The following STAG1 variants were observed in gnomAD, a reference collection of about 807,000 sequenced individuals.
The protein encoded by STAG1 is STAG1 cohesin complex component, also known as cohesin subunit SA-1.
In STAG1, 26 loss-of-function variants were observed where a neutral mutation model predicts 170.9. That is an observed-to-expected ratio of 0.15 (90% CI 0.11 to 0.21). The LOEUF (loss-of-function observed/expected upper bound fraction) is 0.21. Ranked by LOEUF, STAG1 falls within the 10% of genes least tolerant of loss-of-function variation. The pLI is 1.00. For missense variants in STAG1, 964 were observed against 1,509.5 expected, an observed-to-expected ratio of 0.64 and a Z score of 5.99; for synonymous variants, 514 against 497.7, an observed-to-expected ratio of 1.03 and a Z score of -0.44.
chr3:136,358,104 T>G (rs1936724443), intron 27 of STAG1, among the ~76,000 whole-genome samples: 1 of 151,614 alleles, frequency 6.6e-6, no homozygotes, highest in African/African-American at 2.4e-5. Context: ...TTTTTTTTTT[T>G]TGAGACAAGG....
At chr3:136,628,066 C>A (rs1431655500) in intron 2 of STAG1, among the ~76,000 whole-genome samples, 2 of 152,142 alleles carry the variant, frequency 1.3e-5, no homozygotes, top group African/African-American at 2.4e-5. Context: ...CCCCACCTGT[C>A]GAGGGAGGGA....
At position 136,464,895 on chromosome 3, in the gene STAG1, C is replaced by T; in HGVS notation, c.1299G>A (p.Glu433=). The change falls in exon 13 of 34, where the codon GAG becomes GAA. Residue 433 remains glutamate (E), a synonymous_variant. Transcript: ENST00000383202. ...AATTAGCTCACTTTTTGTGAAGGAACTCTCCAGCTGCCACAGCAACAGGGC... is the reference window on the plus strand; with the variant it reads ...AATTAGCTCACTTTTTGTGAAGGAATTCTCCAGCTGCCACAGCAACAGGGC... The part of the protein sequence containing the change: ...AHRPVAVAAG[E]FLHKKLFSRH... 5 of 1,611,242 alleles carry T rather than the reference C, an allele frequency of 3.1e-6. No homozygotes were observed. Among genetic ancestry groups the T allele is most frequent in the Non-Finnish European group, 4.2e-6 (5 of 1,178,982 alleles).
intron 22 of STAG1, 77 bp downstream of exon 22, chr3:136,398,672 A>C (rs1180486044): frequency 7.4e-6 from 5 of 676,278 alleles, no homozygotes; most frequent in Non-Finnish European, 1.1e-5. Flanking sequence ...AATAACTGAT[A>C]ATAGTAAATT....
chr3:136,339,317 G>A (rs1935843543), intron 32 of STAG1, among the ~76,000 whole-genome samples: 2 of 152,166 alleles, frequency 1.3e-5, no homozygotes, highest in Non-Finnish European at 2.9e-5. Flanking sequence ...GAGGTCAAGA[G>A]ATCAAGACCA....
At chr3:136,689,720 C>T (rs901739486) in intron 1 of STAG1, among the ~76,000 whole-genome samples, 3 of 152,246 alleles carry the variant, frequency 2.0e-5, no homozygotes, top group African/African-American at 7.2e-5. Context: ...ACAGCATTAT[C>T]AGCAAGGTGG....
At chr3:136,522,275 T>G (rs1439370380) in intron 6 of STAG1, among the ~76,000 whole-genome samples, 1 of 152,166 alleles carries the variant, frequency 6.6e-6, no homozygotes, top group Non-Finnish European at 1.5e-5. Context: ...AGAACTAGTG[T>G]GATATACAGA....
chr3:136,742,339 A>G (rs1022865860), intron 1 of STAG1, among the ~76,000 whole-genome samples: 1 of 152,242 alleles, frequency 6.6e-6, no homozygotes, highest in African/African-American at 2.4e-5. Flanking sequence ...TTAAAGGATT[A>G]AAATCATAAA....
intron 7 of STAG1, among the ~76,000 whole-genome samples, chr3:136,505,452 A>G (rs554612889): frequency 6.6e-6 from 1 of 152,354 alleles, no homozygotes. Context: ...GCAATCTGAC[A>G]ATTTAATGCC....
intron 1 of STAG1, among the ~76,000 whole-genome samples, chr3:136,750,836 C>G (rs1231260724): frequency 6.6e-6 from 1 of 152,202 alleles, no homozygotes; most frequent in Non-Finnish European, 1.5e-5. Flanking sequence ...ATTTTTCAGT[C>G]TGAATTCCTC....
intron 4 of STAG1, among the ~76,000 whole-genome samples, chr3:136,574,328 GTA>G (rs1652162713): frequency 2.0e-5 from 3 of 150,492 alleles, no homozygotes; most frequent in South Asian, 4.2e-4. Flanking sequence ...GGATATATAT[GTA>G]TGTGTGTGTG....
Position 136,623,222 on chromosome 3 carries a change from T to G in STAG1, c.56A>C (p.His19Pro). The stretch of plus-strand genomic sequence containing the variant: ...TTCAAGCTCGCTGCCAGCATCGGAA[T>G]GGGCAGTAGTTTCATTAGTTGAATC... The part of the protein sequence containing the change: ...LQDSTNETTA[H>P]SDAGSELEET... The change falls in exon 3 of 34, where the codon CAT (histidine) becomes CCT (proline). Residue 19 changes from histidine (H) to proline (P), a missense_variant. Coordinates refer to ENST00000383202, the MANE Select transcript of STAG1 (RefSeq NM_005862.3). 2.5e-6 allele frequency: 4 copies of G among 1,613,608 alleles called. No individual in the cohort carries two copies. Among genetic ancestry groups the G allele is most frequent in the South Asian group, 1.1e-5 (1 of 91,058 alleles).
chr3:136,406,836 G>GATTAAAGA (rs71304275), intron 21 of STAG1, among the ~76,000 whole-genome samples: 24,737 of 151,900 alleles, frequency 0.16, 2,246 homozygotes, highest in Non-Finnish European at 0.2. Flanking sequence ...TAACTTCCGT[G>GATTAAAGA]ATTAAAGAAT....
intron 1 of STAG1, among the ~76,000 whole-genome samples, chr3:136,655,999 A>G (rs565021829): frequency 6.6e-6 from 1 of 152,194 alleles, no homozygotes; most frequent in Non-Finnish European, 1.5e-5. Context: ...CATTATTCAC[A>G]GTACTTCAAT....
chr3:136,694,566 T>A (rs1942821983), intron 1 of STAG1, among the ~76,000 whole-genome samples: 3 of 151,164 alleles, frequency 2.0e-5, no homozygotes, highest in Non-Finnish European at 4.4e-5. Flanking sequence ...TAGTGAGCTA[T>A]GATCATGCCA....
intron 1 of STAG1, among the ~76,000 whole-genome samples, chr3:136,723,477 G>A (rs866107919): frequency 8.6e-5 from 13 of 151,356 alleles, no homozygotes; most frequent in Non-Finnish European, 1.6e-4. Context: ...TATGAGAAGT[G>A]AGGAGCCCCT....
chr3:136,680,216 G>A (rs1274344234), intron 1 of STAG1, among the ~76,000 whole-genome samples: 2 of 152,116 alleles, frequency 1.3e-5, no homozygotes, highest in Non-Finnish European at 2.9e-5. Flanking sequence ...AGCCAAGATC[G>A]TGCCACTGCA....
At chr3:136,663,499 C>T (rs1297314137) in intron 1 of STAG1, among the ~76,000 whole-genome samples, 1 of 152,078 alleles carries the variant, frequency 6.6e-6, no homozygotes, top group African/African-American at 2.4e-5. Context: ...CAGTTAGCAC[C>T]AGAGATAAGG....
At chr3:136,563,483 T>C (rs1399319131) in intron 5 of STAG1, among the ~76,000 whole-genome samples, 1 of 151,946 alleles carries the variant, frequency 6.6e-6, no homozygotes, top group Non-Finnish European at 1.5e-5. Flanking sequence ...TATCATTCCC[T>C]CACCTCAATT....
At chr3:136,515,573 T>A (rs900865023) in intron 7 of STAG1, among the ~76,000 whole-genome samples, 1 of 152,140 alleles carries the variant, frequency 6.6e-6, no homozygotes, top group Non-Finnish European at 1.5e-5. Context: ...TTGTCCAAAG[T>A]CACCAAGTTA....
Sources: gnomAD v4.1 joint callset for allele counts (sites outside exome capture counted in the v4.1 genomes callset) on GRCh38, gnomAD v4.1.1 for gene constraint, MANE v1.5 for transcripts, NCBI Gene and HGNC (gene_info 2026-07-23, HGNC 2026-07-21) for gene names.